WDR70: variants seen among roughly 807,000 people sequenced by gnomAD.
WDR70 encodes WD repeat-containing protein 70.
Under a neutral mutation model 88.6 loss-of-function variants are expected in WDR70, and 53 were observed. The ratio of observed to expected loss-of-function variants is 0.60; its 90% CI spans 0.48 to 0.75. WDR70 has a LOEUF of 0.75. Among genes scored for constraint, WDR70 ranks in the 30% least tolerant of loss-of-function variants. The pLI is 0.00. For synonymous variants in WDR70, 280 were observed against 270.0 expected (o/e 1.04, Z -0.36); for missense variants, 610 against 823.2 (o/e 0.74, Z 3.17).
At chr5:37,649,762 G>A (rs1745344886) in intron 10 of WDR70, among the ~76,000 whole-genome samples, 1 of 50,754 alleles carries the variant, frequency 2.0e-5, no homozygotes, top group African/African-American at 1.2e-4. Context: ...TTTTGAGACG[G>A]AGTCTCGCTC....
At chr5:37,627,720 G>A (rs1206329413) in intron 10 of WDR70, among the ~76,000 whole-genome samples, 4 of 152,080 alleles carry the variant, frequency 2.6e-5, no homozygotes, top group Non-Finnish European at 5.9e-5. Flanking sequence ...TAGTTTCCAT[G>A]TGTTGGTATA....
chr5:37,670,455 G>C (rs1454569645), intron 10 of WDR70, among the ~76,000 whole-genome samples: 1 of 152,188 alleles, frequency 6.6e-6, no homozygotes, highest in East Asian at 1.9e-4. Context: ...AAAGTATAGA[G>C]AAACAGATGC....
chr5:37,526,830 T>C (rs1741293201), intron 9 of WDR70, among the ~76,000 whole-genome samples: 1 of 152,190 alleles, frequency 6.6e-6, no homozygotes, highest in African/African-American at 2.4e-5. Flanking sequence ...AGCATTCTTA[T>C]ACAGCAATAA....
intron 8 of WDR70, among the ~76,000 whole-genome samples, chr5:37,505,234 G>A (rs1477819860): frequency 1.3e-5 from 2 of 152,036 alleles, no homozygotes; most frequent in Admixed American, 1.3e-4. Flanking sequence ...ATTTAATATC[G>A]ATTTCTAAGC....
chr5:37,449,605 AAAAAAT>A (rs1387621529), intron 7 of WDR70, among the ~76,000 whole-genome samples: 16 of 40,878 alleles, frequency 3.9e-4, no homozygotes, highest in South Asian at 1.8e-3. Context: ...AAAAAAAAAT[AAAAAAT>A]AAAAAATAAA....
At chr5:37,419,105 T>A (rs1167040577) in intron 5 of WDR70, among the ~76,000 whole-genome samples, 1 of 151,968 alleles carries the variant, frequency 6.6e-6, no homozygotes, top group East Asian at 1.9e-4. Context: ...TTTTAAAAAA[T>A]CTTTCACTTT....
At chr5:37,553,553 T>C (rs948608053) in intron 9 of WDR70, among the ~76,000 whole-genome samples, 2 of 152,144 alleles carry the variant, frequency 1.3e-5, no homozygotes, top group African/African-American at 4.8e-5. Flanking sequence ...TTGTTTCAGG[T>C]GTGTATGTGT....
intron 8 of WDR70, among the ~76,000 whole-genome samples, chr5:37,500,595 T>C (rs1323335546): frequency 1.3e-5 from 2 of 152,170 alleles, no homozygotes; most frequent in Non-Finnish European, 2.9e-5. Flanking sequence ...CCAACATTTA[T>C]TGTTTTTTCA....
chr5:37,643,959 A>G (rs1745168503), intron 10 of WDR70, among the ~76,000 whole-genome samples: 1 of 151,954 alleles, frequency 6.6e-6, no homozygotes, highest in Non-Finnish European at 1.5e-5. Flanking sequence ...TTCCTTTCCA[A>G]TTTGGATGTT....
At chr5:37,441,929 G>A (rs1750666489) in intron 6 of WDR70, among the ~76,000 whole-genome samples, 1 of 152,020 alleles carries the variant, frequency 6.6e-6, no homozygotes, top group South Asian at 2.1e-4. Context: ...GTAGATCTAG[G>A]GACTCTCTGC....
intron 10 of WDR70, among the ~76,000 whole-genome samples, chr5:37,661,022 C>T (rs955316225): frequency 6.6e-6 from 1 of 152,198 alleles, no homozygotes; most frequent in African/African-American, 2.4e-5. Flanking sequence ...GCAAATACTA[C>T]ACCATTTTAT....
chr5:37,394,169 G>C (rs1748936530), intron 4 of WDR70, among the ~76,000 whole-genome samples: 1 of 151,862 alleles, frequency 6.6e-6, no homozygotes, highest in African/African-American at 2.4e-5. Context: ...GCTGGGCGTG[G>C]TGGCTCATGC....
intron 8 of WDR70, among the ~76,000 whole-genome samples, chr5:37,514,414 G>T (rs1212042364): frequency 7.9e-6 from 1 of 126,196 alleles, no homozygotes; most frequent in African/African-American, 2.7e-5. Context: ...GTTCTAGGGT[G>T]CATGTGCAGG....
chr5:37,409,705 A>G (rs1749464269), intron 5 of WDR70, among the ~76,000 whole-genome samples: 2 of 151,890 alleles, frequency 1.3e-5, no homozygotes, highest in Admixed American at 1.3e-4. Flanking sequence ...GGTTTTCACC[A>G]TGCTGGCCGG....
In WDR70 at chr5:37,432,476, C is replaced by A. The variant is rs369328741; in HGVS notation, c.493-5446C>A. On this transcript the variant is annotated intron_variant, in intron 5 of 17. Transcript: ENST00000265107. ...TGATCTCGGCTCACTGCAACCTCCG[C>A]CTCCTGAGTTCAAGCGATTCTCCTG... 1.5e-3 allele frequency among the ~76,000 whole-genome samples: 223 copies of A among 152,286 alleles called. 3 individuals carry two copies. Among genetic ancestry groups the A allele is most frequent in the African/African-American group, 5.2e-3 (215 of 41,558 alleles).
At chr5:37,505,571 G>GT (rs1297035942) in intron 8 of WDR70, 5 of 666,580 alleles carry the variant, frequency 7.5e-6, no homozygotes, top group African/African-American at 3.6e-5. Context: ...TTCTCTCAAT[G>GT]TTTTTTAAAA....
At chr5:37,570,996 G>A (rs1338298091) in intron 9 of WDR70, among the ~76,000 whole-genome samples, 2 of 151,658 alleles carry the variant, frequency 1.3e-5, no homozygotes, top group Non-Finnish European at 2.9e-5. Flanking sequence ...GAATTCCTGA[G>A]TTCACCAAGT....
chr5:37,423,114 A>C (rs1749997840), intron 5 of WDR70, among the ~76,000 whole-genome samples: 1 of 152,132 alleles, frequency 6.6e-6, no homozygotes, highest in African/African-American at 2.4e-5. Flanking sequence ...GTGACAAGGT[A>C]GTGTTCACAG....
At chr5:37,650,432 G>T (rs774605579) in intron 10 of WDR70, among the ~76,000 whole-genome samples, 5 of 151,960 alleles carry the variant, frequency 3.3e-5, no homozygotes, top group Non-Finnish European at 5.9e-5. Context: ...AGAAAGTATT[G>T]GATGTAAGAG....
Sources: allele counts gnomAD v4.1 joint callset (sites outside exome capture counted in the v4.1 genomes callset), GRCh38; gene constraint gnomAD v4.1.1; transcripts MANE v1.5; gene names NCBI Gene and HGNC (gene_info 2026-07-23, HGNC 2026-07-21).